The following ANO6 variants were observed in gnomAD, a reference collection of about 807,000 sequenced individuals.
ANO6 encodes the protein anoctamin 6.
ANO6 carries 106 observed loss-of-function variants against 117.5 expected under a neutral mutation model. The ratio of observed to expected loss-of-function variants is 0.90; its 90% CI spans 0.77 to 1.06. ANO6 has a LOEUF of 1.06. Among genes scored for constraint, ANO6 ranks in the 50% least tolerant of loss-of-function variants. The pLI is 0.00. For synonymous variants in ANO6, 367 were observed against 385.1 expected, an observed-to-expected ratio of 0.95 and a Z score of 0.55; for missense variants, 955 against 1,121.1, an observed-to-expected ratio of 0.85 and a Z score of 2.12.
At chr12:45,346,915 T>C in intron 3 of ANO6, 107 bp from the exon 4 acceptor site, 1 of 987,060 alleles carries the variant, frequency 1.0e-6, no homozygotes, top group South Asian at 1.3e-5. Flanking sequence ...CATTTCTTTT[T>C]CAGGTCCACG....
At chr12:45,332,130 A>T (rs1940684754) in intron 3 of ANO6, among the ~76,000 whole-genome samples, 1 of 152,044 alleles carries the variant, frequency 6.6e-6, no homozygotes, top group Admixed American at 6.6e-5. Context: ...AGGTTTATAA[A>T]CAACTCCCTG....
At chr12:45,404,444 A>G (rs1162930376) in intron 15 of ANO6, among the ~76,000 whole-genome samples, 1 of 152,110 alleles carries the variant, frequency 6.6e-6, no homozygotes, top group East Asian at 1.9e-4. Flanking sequence ...TAAAAATAAC[A>G]TGTAATATTT....
rs544617860 is a variant in ANO6, at chr12:45,308,236, T to C, written c.150+6143T>C. The stretch of plus-strand genomic sequence containing the variant: ...TGAGAGGGAAGGATTACTGGAATAA[T>C]GTCCCTGAGAGGGCAAGAAGGGAAT... On this transcript the variant is annotated intron_variant, in intron 2 of 19. Transcript: ENST00000320560. Among the ~76,000 whole-genome samples, 4 of 151,908 alleles carry C rather than the reference T, an allele frequency of 2.6e-5. No individual in the cohort carries two copies. The East Asian group carries it at 7.8e-4, about 30-fold the overall frequency.
intron 19 of ANO6, among the ~76,000 whole-genome samples, chr12:45,438,046 A>G (rs1245776057): frequency 2.0e-5 from 3 of 152,164 alleles, no homozygotes; most frequent in Non-Finnish European, 4.4e-5. Flanking sequence ...TTTTCTGGTC[A>G]ATGCCAACCT....
At chr12:45,281,354 T>C (rs1938726017) in intron 1 of ANO6, among the ~76,000 whole-genome samples, 1 of 152,202 alleles carries the variant, frequency 6.6e-6, no homozygotes, top group Non-Finnish European at 1.5e-5. Context: ...CTTGTGTTGC[T>C]GTAAAGGAAT....
intron 1 of ANO6, among the ~76,000 whole-genome samples, chr12:45,299,794 G>T (rs1318424015): frequency 6.6e-6 from 1 of 152,122 alleles, no homozygotes; most frequent in East Asian, 1.9e-4. Context: ...AGAGGTTGCA[G>T]TGAGCCCAGA....
intron 1 of ANO6, among the ~76,000 whole-genome samples, chr12:45,257,428 GA>G (rs1417834753): frequency 3.3e-5 from 5 of 152,116 alleles, no homozygotes; most frequent in African/African-American, 1.2e-4. Context: ...CACTTGGAAT[GA>G]TTTCGGTGAT....
At chr12:45,434,918 C>T (rs1327907330), downstream of ANO6, among the ~76,000 whole-genome samples, 2 of 152,138 alleles carry the variant, frequency 1.3e-5, no homozygotes, top group East Asian at 1.9e-4. Context: ...CAGGTTAATG[C>T]GTTCTTGAGA....
At chr12:45,341,928 C>T (rs1162515823) in intron 3 of ANO6, among the ~76,000 whole-genome samples, 2 of 152,148 alleles carry the variant, frequency 1.3e-5, no homozygotes, top group Non-Finnish European at 2.9e-5. Flanking sequence ...GACATATCTA[C>T]AGCGCTTATC....
chr12:45,263,635 T>C (rs1462666116), intron 1 of ANO6, among the ~76,000 whole-genome samples: 1 of 152,182 alleles, frequency 6.6e-6, no homozygotes, highest in Non-Finnish European at 1.5e-5. Context: ...TATAGATGTG[T>C]GTACAACTTG....
At chr12:45,217,200 G>C (rs1177244929) in intron 1 of ANO6, among the ~76,000 whole-genome samples, 1 of 152,188 alleles carries the variant, frequency 6.6e-6, no homozygotes. Flanking sequence ...GAGAGGACTA[G>C]AGAGAAAATC....
chr12:45,226,952 T>C (rs1241148195), intron 1 of ANO6, among the ~76,000 whole-genome samples: 2 of 151,130 alleles, frequency 1.3e-5, no homozygotes, highest in African/African-American at 4.9e-5. Context: ...AGATATTCTT[T>C]ATTTAAAAAA....
chr12:45,295,829 T>C (rs1344292046), intron 1 of ANO6, among the ~76,000 whole-genome samples: 1 of 151,970 alleles, frequency 6.6e-6, no homozygotes, highest in Non-Finnish European at 1.5e-5. Flanking sequence ...CAAAGTGCTG[T>C]GATTACAGGC....
intron 1 of ANO6, among the ~76,000 whole-genome samples, chr12:45,232,936 CA>C (rs1260145217): frequency 6.6e-6 from 1 of 152,080 alleles, no homozygotes; most frequent in East Asian, 1.9e-4. Flanking sequence ...CGGAAGTTTC[CA>C]AAGGAGGAAG....
chr12:45,222,600 G>A (rs1407489032), intron 1 of ANO6, among the ~76,000 whole-genome samples: 4 of 152,108 alleles, frequency 2.6e-5, no homozygotes, highest in Non-Finnish European at 4.4e-5. Flanking sequence ...GGTGCTTTAG[G>A]CCTCAGAAGC....
intron 12 of ANO6, among the ~76,000 whole-genome samples, chr12:45,393,456 C>A (rs971031448): frequency 6.6e-6 from 1 of 152,154 alleles, no homozygotes; most frequent in Non-Finnish European, 1.5e-5. Flanking sequence ...CCCAACCTAG[C>A]AAGGCAGGCC....
At chr12:45,249,648 A>G (rs1307845357) in intron 1 of ANO6, among the ~76,000 whole-genome samples, 2 of 152,226 alleles carry the variant, frequency 1.3e-5, no homozygotes, top group Non-Finnish European at 2.9e-5. Context: ...GAGCCATCAG[A>G]TAGTAGAGCT....
chr12:45,244,214 G>A (rs1446063192), intron 1 of ANO6, among the ~76,000 whole-genome samples: 2 of 152,168 alleles, frequency 1.3e-5, no homozygotes, highest in Non-Finnish European at 2.9e-5. Context: ...ATGAATAAGT[G>A]AAAGTTTTCA....
At chr12:45,322,551 A>G (rs773828253) in intron 2 of ANO6, among the ~76,000 whole-genome samples, 6 of 152,140 alleles carry the variant, frequency 3.9e-5, no homozygotes, top group Non-Finnish European at 8.8e-5. Context: ...TGCTGAGCAT[A>G]TTGGTTTAGG....
Sources: gnomAD v4.1 joint callset for allele counts (sites outside exome capture counted in the v4.1 genomes callset) on GRCh38, gnomAD v4.1.1 for gene constraint, MANE v1.5 for transcripts, NCBI Gene and HGNC (gene_info 2026-07-23, HGNC 2026-07-21) for gene names.